ARID4B: variants seen among roughly 807,000 people sequenced by gnomAD.
ARID4B encodes the protein AT-rich interaction domain 4B.
In ARID4B, 26 loss-of-function variants were observed where a neutral mutation model predicts 147.5. The observed-to-expected ratio is 0.18, with a 90% confidence interval of 0.13 to 0.24. The LOEUF (loss-of-function observed/expected upper bound fraction) is 0.24. Among genes scored for constraint, ARID4B ranks in the 10% least tolerant of loss-of-function variants. The probability of loss-of-function intolerance (pLI) is 1.00; values close to 1 mark genes in which losing one functional copy is unlikely to be tolerated. For missense variants in ARID4B, 1,179 were observed against 1,511.5 expected, an observed-to-expected ratio of 0.78 and a Z score of 3.65; for synonymous variants, 512 against 507.9, an observed-to-expected ratio of 1.01 and a Z score of -0.11.
intron 2 of ARID4B, among the ~76,000 whole-genome samples, chr1:235,324,236 G>A (rs1446481133): frequency 3.9e-5 from 6 of 152,056 alleles, no homozygotes; most frequent in African/African-American, 1.5e-4. Flanking sequence ...AGTCTATCAA[G>A]AGCATGAAAA....
intron 6 of ARID4B, among the ~76,000 whole-genome samples, chr1:235,248,302 G>C (rs1005223946): frequency 6.6e-6 from 1 of 151,962 alleles, no homozygotes; most frequent in South Asian, 2.1e-4. Context: ...TGCCCAACTC[G>C]GCCTCCCAAA....
chr1:235,242,952 T>C (rs927293419), intron 7 of ARID4B, among the ~76,000 whole-genome samples: 1 of 152,188 alleles, frequency 6.6e-6, no homozygotes, highest in African/African-American at 2.4e-5. Context: ...AGCATTCACT[T>C]TTATCATACT....
chr1:235,262,241 A>AG (rs1360058153), intron 2 of ARID4B, among the ~76,000 whole-genome samples: 1 of 152,198 alleles, frequency 6.6e-6, no homozygotes, highest in Admixed American at 6.5e-5. Context: ...CCAAAGAAAA[A>AG]GGGAAAAAAA....
chr1:235,205,975 T>TTA (rs1666283255), intron 17 of ARID4B, among the ~76,000 whole-genome samples: 1 of 151,968 alleles, frequency 6.6e-6, no homozygotes, highest in African/African-American at 2.4e-5. Context: ...AAACACAGAG[T>TTA]TATATATAAA....
At chr1:235,232,114 C>T (rs1668275925) in intron 9 of ARID4B, among the ~76,000 whole-genome samples, 2 of 151,962 alleles carry the variant, frequency 1.3e-5, no homozygotes, top group South Asian at 2.1e-4. Context: ...GAGCAAGATC[C>T]CATCTCTTAA....
At chr1:235,253,137 A>T (rs7554591) in intron 5 of ARID4B, among the ~76,000 whole-genome samples, 7 of 152,172 alleles carry the variant, frequency 4.6e-5, no homozygotes, top group African/African-American at 1.7e-4. Context: ...TAAAGAAATG[A>T]CAAGTTTTCC....
chr1:235,321,687 G>T (rs1196709287), intron 2 of ARID4B, among the ~76,000 whole-genome samples: 1 of 152,056 alleles, frequency 6.6e-6, no homozygotes, highest in African/African-American at 2.4e-5. Context: ...TTTTAGTAGA[G>T]ACGGGGTTTC....
intron 17 of ARID4B, among the ~76,000 whole-genome samples, chr1:235,198,402 AAC>A (rs1201386555): frequency 2.0e-5 from 3 of 152,216 alleles, no homozygotes; most frequent in Non-Finnish European, 4.4e-5. Flanking sequence ...AACAAGGAAA[AAC>A]AGTTACTGCC....
chr1:235,275,312 T>C (rs866859054), intron 2 of ARID4B, among the ~76,000 whole-genome samples: 1 of 152,218 alleles, frequency 6.6e-6, no homozygotes, highest in Non-Finnish European at 1.5e-5. Context: ...TTTACTCTGC[T>C]ATGAAGTTAA....
At chr1:235,193,468 T>C (rs1161754275) in intron 19 of ARID4B, among the ~76,000 whole-genome samples, 1 of 152,230 alleles carries the variant, frequency 6.6e-6, no homozygotes, top group East Asian at 1.9e-4. Context: ...AACTTGTCAG[T>C]ATACTTTTAT....
At chr1:235,307,863 G>A (rs774795735) in intron 2 of ARID4B, among the ~76,000 whole-genome samples, 2 of 151,688 alleles carry the variant, frequency 1.3e-5, no homozygotes, top group African/African-American at 2.4e-5. Flanking sequence ...ATAGAGTCTC[G>A]CTCTGTCGCC....
intron 2 of ARID4B, among the ~76,000 whole-genome samples, chr1:235,262,974 G>A (rs908976833): frequency 6.6e-5 from 10 of 152,046 alleles, no homozygotes; most frequent in Non-Finnish European, 4.4e-5. Flanking sequence ...TTTTTTAAAT[G>A]TTTTATAGAG....
At chr1:235,236,358 A>G (rs921845291) in intron 8 of ARID4B, among the ~76,000 whole-genome samples, 13 of 152,152 alleles carry the variant, frequency 8.5e-5, no homozygotes, top group Non-Finnish European at 1.5e-4. Flanking sequence ...TTTCAATATT[A>G]AAAATCCTTA....
intron 2 of ARID4B, among the ~76,000 whole-genome samples, chr1:235,313,002 G>C (rs980438431): frequency 9.3e-5 from 14 of 150,736 alleles, no homozygotes; most frequent in Middle Eastern, 3.2e-3. Context: ...AAAAGAAAAG[G>C]GTTCTTTGAT....
chr1:235,301,454 G>A (rs922692262), intron 2 of ARID4B, among the ~76,000 whole-genome samples: 3 of 151,482 alleles, frequency 2.0e-5, no homozygotes, highest in East Asian at 2.0e-4. Context: ...TGGGAGGATC[G>A]CTAGAGCCTA....
chr1:235,266,818 A>C (rs1272961585), intron 2 of ARID4B, among the ~76,000 whole-genome samples: 2 of 152,228 alleles, frequency 1.3e-5, no homozygotes, highest in Non-Finnish European at 2.9e-5. Flanking sequence ...TAACACAGAC[A>C]CTGACTAGGA....
At chr1:235,216,332 C>CATAT (rs1553293490) in intron 16 of ARID4B, among the ~76,000 whole-genome samples, 33 of 151,134 alleles carry the variant, frequency 2.2e-4, no homozygotes, top group Admixed American at 8.6e-4. Flanking sequence ...CACACACACA[C>CATAT]ATATATACGT....
At chr1:235,194,879 G>A (rs1157697484) in intron 18 of ARID4B, among the ~76,000 whole-genome samples, 1 of 152,136 alleles carries the variant, frequency 6.6e-6, no homozygotes, top group Non-Finnish European at 1.5e-5. Flanking sequence ...CTCACTATAT[G>A]TGGGTTGGGA....
At chr1:235,229,516 A>G (rs1387698694) in intron 10 of ARID4B, 131 bp from the exon 11 acceptor site, 10 of 665,360 alleles carry the variant, frequency 1.5e-5, no homozygotes, top group Non-Finnish European at 2.3e-5. Context: ...GCTATGTACC[A>G]GAAACTGTGT....
Sources: allele counts gnomAD v4.1 joint callset (sites outside exome capture counted in the v4.1 genomes callset), GRCh38; gene constraint gnomAD v4.1.1; transcripts MANE v1.5; gene names NCBI Gene and HGNC (gene_info 2026-07-23, HGNC 2026-07-21).